Variants in LARGE1 observed in about 807,000 individuals in gnomAD.
The protein encoded by LARGE1 is LARGE xylosyl- and glucuronyltransferase 1, also known as xylosyl- and glucuronyltransferase LARGE1.
LARGE1 carries 43 observed loss-of-function variants against 87.6 expected under a neutral mutation model. The ratio of observed to expected loss-of-function variants is 0.49; its 90% CI spans 0.38 to 0.63. The LOEUF is 0.63. LARGE1 is among the 30% of genes least tolerant of loss of function. LARGE1 has a pLI of 0.00. For missense variants in LARGE1, 802 were observed against 1,000.2 expected (o/e 0.80, Z 2.67); for synonymous variants, 434 against 394.6 (o/e 1.10, Z -1.18).
chr22:33,515,854 C>T (rs1360491125), intron 6 of LARGE1, among the ~76,000 whole-genome samples: 1 of 152,138 alleles, frequency 6.6e-6, no homozygotes, highest in Non-Finnish European at 1.5e-5. Flanking sequence ...CCTCACCCTC[C>T]CCTTGGCCTC....
chr22:33,489,335 A>C (rs142059479), intron 6 of LARGE1, among the ~76,000 whole-genome samples: 16 of 152,306 alleles, frequency 1.1e-4, no homozygotes, highest in Non-Finnish European at 1.9e-4. Context: ...ACTGTCAATC[A>C]TTCATTCAAG....
At chr22:33,429,829 G>GGAAAGCACGT (rs1270867673) in intron 7 of LARGE1, among the ~76,000 whole-genome samples, 20 of 152,256 alleles carry the variant, frequency 1.3e-4, no homozygotes, top group Non-Finnish European at 2.4e-4. Flanking sequence ...GTTTGCCAGA[G>GGAAAGCACGT]GAAAGCACGT....
At chr22:33,629,162 T>C (rs1187552962) in intron 3 of LARGE1, among the ~76,000 whole-genome samples, 4 of 152,036 alleles carry the variant, frequency 2.6e-5, no homozygotes, top group Admixed American at 2.6e-4. Flanking sequence ...AGACTCAGGA[T>C]GAAAGATTAT....
intron 6 of LARGE1, among the ~76,000 whole-genome samples, chr22:33,550,272 C>T (rs886993161): frequency 1.3e-5 from 2 of 151,840 alleles, no homozygotes; most frequent in Non-Finnish European, 2.9e-5. Context: ...TTAAAACTAC[C>T]AAGTCCACTA....
chr22:33,563,344 C>G lies in LARGE1; in HGVS notation c.787+1504G>C, dbSNP rs1301462162. ...CTCTAACCCCCTCTAGGAGAGGTGA[C>G]AACTCTCACTGTCCCCTCATTACTC... On this transcript the variant is annotated intron_variant, in intron 6 of 14. Transcript: ENST00000397394. 7 of 152,376 alleles carry G rather than the reference C, an allele frequency of 4.6e-5. No individual in the cohort carries two copies. In the East Asian group the frequency reaches 1.2e-3, roughly 25 times the overall value. The allele number at this position is 152,376 out of a possible 1,614,324, so 9.4% of individuals were successfully genotyped here.
intron 1 of LARGE1, among the ~76,000 whole-genome samples, chr22:33,774,405 G>A (rs2085168204): frequency 6.6e-6 from 1 of 151,960 alleles, no homozygotes; most frequent in Non-Finnish European, 1.5e-5. Context: ...GGCCCAGGCT[G>A]GAGTGCAGTG....
At chr22:33,824,855 C>G in intron 1 of LARGE1, among the ~76,000 whole-genome samples, 1 of 152,190 alleles carries the variant, frequency 6.6e-6, no homozygotes, top group South Asian at 2.1e-4. Context: ...GTTTATAACA[C>G]TGAATATAAT....
chr22:33,603,237 A>G (rs2079158870), intron 5 of LARGE1, among the ~76,000 whole-genome samples: 1 of 152,210 alleles, frequency 6.6e-6, no homozygotes, highest in Non-Finnish European at 1.5e-5. Context: ...TAAAATGAAA[A>G]GATAATGGCT....
chr22:33,304,579 G>A, intron 11 of LARGE1, 72 bp from the exon 12 acceptor site: 2 of 1,447,964 alleles, frequency 1.4e-6, no homozygotes, highest in Admixed American at 2.2e-5. Flanking sequence ...CTGTTGTGGG[G>A]CTCTGCCTCC....
chr22:33,748,438 G>C (rs564400607), intron 2 of LARGE1, among the ~76,000 whole-genome samples: 1 of 152,060 alleles, frequency 6.6e-6, no homozygotes, highest in Non-Finnish European at 1.5e-5. Flanking sequence ...CTCCTTGAGC[G>C]ACCTGTTGCT....
intron 6 of LARGE1, among the ~76,000 whole-genome samples, chr22:33,542,461 C>G (rs2065048): frequency 0.51 from 77,170 of 151,284 alleles, 20,703 homozygotes; most frequent in Non-Finnish European, 0.61. Context: ...CAGGGTCCCT[C>G]TTATTTGCTC....
At chr22:33,157,851 G>C (rs1477513310), downstream of LARGE1, among the ~76,000 whole-genome samples, 1 of 152,056 alleles carries the variant, frequency 6.6e-6, no homozygotes, top group East Asian at 1.9e-4. Flanking sequence ...AGAAGACAAA[G>C]GAGTTACATC....
At chr22:33,700,359 C>T (rs1214886894) in intron 2 of LARGE1, among the ~76,000 whole-genome samples, 1 of 152,180 alleles carries the variant, frequency 6.6e-6, no homozygotes, top group East Asian at 1.9e-4. Context: ...CAAGTGTCAC[C>T]ATTCACTGAA....
chr22:33,860,094 A>T (rs190110943), intron 1 of LARGE1, among the ~76,000 whole-genome samples: 27 of 152,298 alleles, frequency 1.8e-4, no homozygotes, highest in Admixed American at 3.3e-4. Flanking sequence ...ACCCAAAAAT[A>T]GTTAAGATGG....
rs150048908 is a variant in LARGE1 at position 33,819,197 on chromosome 22, T to G, written c.-82-57639A>C. The stretch of plus-strand genomic sequence containing the variant: ...GGGCTTTGGGATCCAAAAGTATGGA[T>G]CACAACAGCCAACTTTTGTCAGTCC... On this transcript the variant is annotated intron_variant, in intron 1 of 14. Coordinates refer to ENST00000397394, the MANE Select transcript of LARGE1 (RefSeq NM_133642.5). Among the ~76,000 whole-genome samples the G allele has an allele frequency of 2.1e-3, 316 of 152,230 alleles. 2 individuals are homozygous for G. The highest frequency in any genetic ancestry group is 7.4e-3 in the African/African-American group (306 of 41,530).
intron 1 of LARGE1, among the ~76,000 whole-genome samples, chr22:33,825,958 G>A (rs2062770158): frequency 6.6e-6 from 1 of 152,162 alleles, no homozygotes; most frequent in South Asian, 2.1e-4. Flanking sequence ...CAGAGCTGGG[G>A]AGGGCAGTGC....
At chr22:33,440,656 G>T (rs966713150) in intron 6 of LARGE1, among the ~76,000 whole-genome samples, 31 of 152,128 alleles carry the variant, frequency 2.0e-4, no homozygotes, top group Non-Finnish European at 2.9e-5. Context: ...TCATATTACC[G>T]TTTACTAAAC....
intron 2 of LARGE1, among the ~76,000 whole-genome samples, chr22:33,754,555 T>C (rs1569427721): frequency 6.6e-6 from 1 of 151,934 alleles, no homozygotes; most frequent in Admixed American, 6.6e-5. Context: ...CCAGGATGGT[T>C]TCGATCTCCT....
intron 3 of LARGE1, among the ~76,000 whole-genome samples, chr22:33,642,054 A>T (rs1207369900): frequency 6.6e-6 from 1 of 152,182 alleles, no homozygotes; most frequent in Non-Finnish European, 1.5e-5. Context: ...AGTCTTCCAG[A>T]AAGGCAACCC....
Sources: allele counts gnomAD v4.1 joint callset (sites outside exome capture counted in the v4.1 genomes callset), GRCh38; gene constraint gnomAD v4.1.1; transcripts MANE v1.5; gene names NCBI Gene and HGNC (gene_info 2026-07-23, HGNC 2026-07-21).